The following KIF13B variants were observed in gnomAD, a reference collection of about 807,000 sequenced individuals.
KIF13B encodes the protein kinesin family member 13B, also known as kinesin-like protein KIF13B.
A neutral mutation model predicts 222.0 loss-of-function variants in KIF13B; 127 were observed. That is an observed-to-expected ratio of 0.57 (90% confidence interval 0.50 to 0.66). The LOEUF (loss-of-function observed/expected upper bound fraction) is 0.66, where lower values mean the gene tolerates loss of function less well. KIF13B is among the 30% of genes least tolerant of loss of function. The pLI, the probability that KIF13B is intolerant of heterozygous loss-of-function variation, is 0.00. For missense variants in KIF13B, 2,173 were observed against 2,379.0 expected, an observed-to-expected ratio of 0.91 and a Z score of 1.80; for synonymous variants, 976 against 919.0, an observed-to-expected ratio of 1.06 and a Z score of -1.12.
At chr8:29,126,548 T>G in intron 25 of KIF13B, 37 bp from the exon 26 acceptor site, 1 of 1,244,202 alleles carries the variant, frequency 8.0e-7, no homozygotes, top group South Asian at 1.3e-5. Context: ...ACTGAATTAT[T>G]GATTTATCCA....
In KIF13B at chr8:29,170,685, A is replaced by T. The variant is rs142739434; in HGVS notation, c.946-3100T>A. Among the ~76,000 whole-genome samples, 339 of 152,312 alleles carry T rather than the reference A, an allele frequency of 2.2e-3. 4 individuals carry two copies. The highest frequency in any genetic ancestry group is 7.4e-3 in the African/African-American group (308 of 41,576). On this transcript the variant is annotated intron_variant, in intron 10 of 39. Coordinates refer to ENST00000524189, the MANE Select transcript of KIF13B (RefSeq NM_015254.4). ...AGAGGCAAGACAACACTCATCACTTAGCTGGAATTTGTAACACCAAGAAGC... is the reference window on the plus strand; with the variant it reads ...AGAGGCAAGACAACACTCATCACTTTGCTGGAATTTGTAACACCAAGAAGC...
chr8:29,119,635 C>T (rs1809762603), intron 29 of KIF13B, among the ~76,000 whole-genome samples: 1 of 152,166 alleles, frequency 6.6e-6, no homozygotes, highest in Non-Finnish European at 1.5e-5. Context: ...CTTTCTTATG[C>T]ATATGCCTGC....
intron 2 of KIF13B, among the ~76,000 whole-genome samples, chr8:29,208,390 AT>A (rs1814053700): frequency 6.6e-6 from 1 of 152,260 alleles, no homozygotes; most frequent in African/African-American, 2.4e-5. Context: ...CACAAAAAAG[AT>A]AAAATTGTTA....
At chr8:29,158,065 G>C (rs1417573943) in intron 13 of KIF13B, among the ~76,000 whole-genome samples, 1 of 152,102 alleles carries the variant, frequency 6.6e-6, no homozygotes, top group Non-Finnish European at 1.5e-5. Flanking sequence ...TTTACTAGCT[G>C]TTTCCTCCGT....
At chr8:29,078,336 AG>A (rs1377583106) in intron 37 of KIF13B, among the ~76,000 whole-genome samples, 1 of 151,636 alleles carries the variant, frequency 6.6e-6, no homozygotes, top group East Asian at 1.9e-4. Context: ...AGAGGAGGAA[AG>A]GGTCATAAAT....
At chr8:29,165,586 G>A (rs1455017785) in intron 12 of KIF13B, 76 bp downstream of exon 12, 1 of 875,526 alleles carries the variant, frequency 1.1e-6, no homozygotes, top group East Asian at 2.4e-5. Context: ...GATCAAAAAG[G>A]AACCAGAAAC....
In KIF13B at chr8:29,262,964, A is replaced by G. The variant is rs2117198870; in HGVS notation, c.55+16T>C. 2 of 1,577,128 alleles carry G rather than the reference A, an allele frequency of 1.3e-6. No individual in the cohort carries two copies. The highest frequency in any genetic ancestry group is 1.7e-6 in the Non-Finnish European group (2 of 1,163,978). On this transcript the variant is annotated intron_variant, in intron 1 of 39. Transcript: ENST00000524189. ...GCCGCCTCCGCCCCGGCGGCCCAGG[A>G]GGGCTCGGCTCTCACCTCGCCGGTT... is the stretch of plus-strand genomic sequence containing the variant.
rs1807198467 is a variant in KIF13B at position 29,070,431 on chromosome 8, T to TCTGAGGAGC, written c.*72_*73insGCTCCTCAG. ...GGGAAGGGGCCACCGGGCTCCTGGCTCCTCAGGGCTGTCACTGGCAGGGCT... is the reference window on the plus strand; with the variant it reads ...GGGAAGGGGCCACCGGGCTCCTGGCTCTGAGGAGCCCTCAGGGCTGTCACTGGCAGGGCT... On this transcript the variant is annotated 3_prime_UTR_variant, in exon 40 of 40. Transcript: ENST00000524189. The surrounding 1 kb of genome is among the most constrained non-coding windows in gnomAD (Gnocchi z 4.1). 1 of 1,546,412 alleles carries TCTGAGGAGC rather than the reference T, an allele frequency of 6.5e-7. No individual in the cohort carries two copies. The highest frequency in any genetic ancestry group is 8.8e-7 in the Non-Finnish European group (1 of 1,140,010).
At chr8:29,197,216 A>G (rs1813469056) in intron 2 of KIF13B, among the ~76,000 whole-genome samples, 1 of 150,054 alleles carries the variant, frequency 6.7e-6, no homozygotes, top group East Asian at 2.0e-4. Flanking sequence ...GGGCGCCTGT[A>G]GTCCCAGCTA....
chr8:29,134,912 G>C (rs915120157), intron 21 of KIF13B, among the ~76,000 whole-genome samples: 5 of 152,200 alleles, frequency 3.3e-5, no homozygotes, highest in Admixed American at 2.6e-4. Context: ...CTCCGGACCA[G>C]GAGGGCAGGG....
At chr8:29,133,066 T>C (rs1810414009) in intron 22 of KIF13B, among the ~76,000 whole-genome samples, 1 of 152,206 alleles carries the variant, frequency 6.6e-6, no homozygotes. Flanking sequence ...TATCTATCTT[T>C]AATGTAGTGA....
At chr8:29,238,832 C>T (rs745608890) in intron 2 of KIF13B, among the ~76,000 whole-genome samples, 4 of 152,104 alleles carry the variant, frequency 2.6e-5, no homozygotes, top group Admixed American at 2.0e-4. Context: ...AACCTCCAAA[C>T]GTTCTGGTCT....
At chr8:29,172,226 G>A (rs1277059533) in intron 10 of KIF13B, among the ~76,000 whole-genome samples, 8 of 151,540 alleles carry the variant, frequency 5.3e-5, no homozygotes, top group East Asian at 1.9e-4. Flanking sequence ...AACTACAGGC[G>A]CCCGCCACCA....
intron 2 of KIF13B, among the ~76,000 whole-genome samples, chr8:29,197,098 G>A (rs1162801552): frequency 7.9e-5 from 12 of 152,020 alleles, no homozygotes; most frequent in Non-Finnish European, 7.4e-5. Flanking sequence ...AGCACTTTGG[G>A]AGGCCGAGGC....
At chr8:29,166,469 C>T (rs1301038661) in intron 11 of KIF13B, among the ~76,000 whole-genome samples, 5 of 152,072 alleles carry the variant, frequency 3.3e-5, no homozygotes, top group African/African-American at 9.7e-5. Flanking sequence ...GAGGCCGAGG[C>T]GGGCGTATCA....
At chr8:29,094,464 C>G (rs900761728) in intron 36 of KIF13B, among the ~76,000 whole-genome samples, 1 of 152,188 alleles carries the variant, frequency 6.6e-6, no homozygotes, top group Non-Finnish European at 1.5e-5. Context: ...GTATGGTAAG[C>G]AAAAGAGACA....
intron 33 of KIF13B, 117 bp downstream of exon 33, chr8:29,109,801 C>T (rs1294178647): frequency 2.0e-6 from 2 of 992,398 alleles, no homozygotes; most frequent in Non-Finnish European, 3.0e-6. Flanking sequence ...ATTCAAAGTT[C>T]ATTAGAGTGA....
chr8:29,139,111 C>T (rs764262015), intron 21 of KIF13B, among the ~76,000 whole-genome samples: 3 of 151,914 alleles, frequency 2.0e-5, no homozygotes, highest in East Asian at 1.9e-4. Flanking sequence ...AATTGTGGAG[C>T]GAAGGTGAAT....
At chr8:29,086,882 TA>T (rs1487724320) in intron 37 of KIF13B, among the ~76,000 whole-genome samples, 8 of 152,218 alleles carry the variant, frequency 5.3e-5, no homozygotes, top group African/African-American at 1.7e-4. Flanking sequence ...GGTCAAAGAC[TA>T]TTGAAATTGG....
Sources: allele counts gnomAD v4.1 joint callset (sites outside exome capture counted in the v4.1 genomes callset), GRCh38; gene constraint gnomAD v4.1.1; non-coding constraint Gnocchi (gnomAD v3.1); transcripts MANE v1.5; gene names NCBI Gene and HGNC (gene_info 2026-07-23, HGNC 2026-07-21).